Variants in PRPF40B observed in about 807,000 individuals in gnomAD.
The protein encoded by PRPF40B is pre-mRNA-processing factor 40 homolog B.
Under a neutral mutation model 124.5 loss-of-function variants are expected in PRPF40B, and 56 were observed. That is an observed-to-expected ratio of 0.45 (90% confidence interval 0.36 to 0.56). The LOEUF (loss-of-function observed/expected upper bound fraction) is 0.56, where lower values mean the gene tolerates loss of function less well. Ranked by LOEUF, PRPF40B falls within the 20% of genes least tolerant of loss-of-function variation. The probability of loss-of-function intolerance (pLI) is 0.00; values close to 1 mark genes in which losing one functional copy is unlikely to be tolerated. For missense variants in PRPF40B, 1,053 were observed against 1,169.5 expected (o/e 0.90, Z 1.45); for synonymous variants, 443 against 426.4 (o/e 1.04, Z -0.48).
At chr12:49,639,356 T>G (rs1382356018) in intron 18 of PRPF40B, 1 of 152,190 alleles carries the variant, frequency 6.6e-6, no homozygotes, top group Non-Finnish European at 1.5e-5. Flanking sequence ...GGTACAAAAG[T>G]CCAAGAAGCA....
chr12:49,639,526 C>G (rs1323796166), intron 18 of PRPF40B: 3 of 152,210 alleles, frequency 2.0e-5, no homozygotes, highest in African/African-American at 7.2e-5. Context: ...CTGAGACACT[C>G]TGGGTTTCTA....
At chr12:49,632,332 C>G (rs367671687) in intron 4 of PRPF40B, 1 of 567,490 alleles carries the variant, frequency 1.8e-6, no homozygotes, top group Non-Finnish European at 3.1e-6. Flanking sequence ...AATTTGGCAT[C>G]CACTGTGAAG....
intron 15 of PRPF40B, 126 bp downstream of exon 15, chr12:49,636,119 A>G: frequency 8.5e-7 from 1 of 1,182,722 alleles, no homozygotes; most frequent in Non-Finnish European, 1.2e-6. Flanking sequence ...AGTACTCAAC[A>G]CTCACCCAGT....
At position 49,633,009 on chromosome 12, in the gene PRPF40B, C is replaced by T; in HGVS notation, c.349-5C>T. 7.5e-7 allele frequency: 1 copy of T among 1,326,938 alleles called. No individual in the cohort carries two copies. 82.2% of individuals were successfully genotyped at this position (1,326,938 alleles called of 1,614,324 possible). On this transcript the variant is annotated splice_region_variant and splice_polypyrimidine_tract_variant and intron_variant, in intron 6 of 25. Coordinates refer to ENST00000548825, the MANE Select transcript of PRPF40B (RefSeq NM_001031698.3). ...CCACCATTCTGTGCCCCCCCCCCCA[C>T]CCAGAGGGCCCTATGGAGTGAGCAT...
intron 22 of PRPF40B, 89 bp from the exon 23 acceptor site, chr12:49,643,134 T>A (rs1337286004): frequency 1.9e-5 from 30 of 1,588,088 alleles, no homozygotes; most frequent in Non-Finnish European, 2.6e-5. Flanking sequence ...CCTTTGGCCC[T>A]GGGTCCTCCT....
rs775472373 is a variant in PRPF40B, at chr12:49,637,764, T to C, written c.1707T>C (p.Tyr569=). 124 of 1,610,696 alleles carry C rather than the reference T, an allele frequency of 7.7e-5. No homozygotes were observed. The highest frequency in any genetic ancestry group is 9.5e-5 in the Non-Finnish European group (112 of 1,177,694). Residue 569 remains tyrosine, a synonymous_variant, in exon 18 of 26, where the codon TAT becomes TAC. Coordinates refer to ENST00000548825, the MANE Select transcript of PRPF40B (RefSeq NM_001031698.3). Reference sequence around the variant, plus strand: ...CCCCTCTGGACTTATTCAAGTTCTATGTGGAGGAGTTGAAGGCACGATTCC... The same window carrying C: ...CCCCTCTGGACTTATTCAAGTTCTACGTGGAGGAGTTGAAGGCACGATTCC... ...GSTPLDLFKF[Y]VEELKARFHD...
intron 1 of PRPF40B, chr12:49,623,926 G>A: frequency 8.8e-7 from 1 of 1,141,684 alleles, no homozygotes; most frequent in Non-Finnish European, 1.1e-6. Flanking sequence ...AGGGGACTGA[G>A]GGGACCAGGG....
At chr12:49,626,352 C>T (rs1940714279) in intron 1 of PRPF40B, among the ~76,000 whole-genome samples, 2 of 152,104 alleles carry the variant, frequency 1.3e-5, no homozygotes, top group African/African-American at 4.8e-5. Flanking sequence ...GGGAAATCCC[C>T]ACATGAGTGG....
chr12:49,633,336 G>A (rs1360171202), intron 7 of PRPF40B, 91 bp from the exon 8 acceptor site: 4 of 1,541,554 alleles, frequency 2.6e-6, no homozygotes, highest in Non-Finnish European at 3.5e-6. Flanking sequence ...AAAGGTTCCT[G>A]TGTCCTCTAC....
In PRPF40B at chr12:49,642,162, C is replaced by T. The variant is rs1942758244; in HGVS notation, c.1885-73C>T. The T allele has an allele frequency of 1.2e-6, 2 of 1,612,002 alleles. No individual in the cohort carries two copies. Among genetic ancestry groups the T allele is most frequent in the Admixed American group, 3.3e-5 (2 of 59,976 alleles). ...AGCCCAGACCCTAACTTTCCACCTC[C>T]TAAGGTATGCCTGAGTGGGACCTGG... On this transcript the variant is annotated intron_variant, in intron 19 of 25. Coordinates refer to ENST00000548825, the MANE Select transcript of PRPF40B (RefSeq NM_001031698.3). This position sits in a 1 kb window ranked among gnomAD's most constrained non-coding sequence, Gnocchi z 5.8.
chr12:49,626,075 T>G (rs1293207734), intron 1 of PRPF40B, among the ~76,000 whole-genome samples: 1 of 152,190 alleles, frequency 6.6e-6, no homozygotes, highest in Non-Finnish European at 1.5e-5. Context: ...CATGCCAACA[T>G]TTCAATCCAA....
At chr12:49,633,158 G>C in intron 7 of PRPF40B, 34 bp downstream of exon 7, 1 of 1,545,874 alleles carries the variant, frequency 6.5e-7, no homozygotes, top group Non-Finnish European at 8.8e-7. Context: ...CTTCCTTTCA[G>C]CTGCCCTGAC....
intron 6 of PRPF40B, 24 bp from the exon 7 acceptor site, chr12:49,632,990 T>C (rs1941376636): frequency 6.6e-7 from 1 of 1,519,760 alleles, no homozygotes; most frequent in Admixed American, 1.7e-5. Context: ...TTGACCACCA[T>C]TCTGTGCCCC....
At position 49,644,218 on chromosome 12, in the gene PRPF40B, G is replaced by T. The variant is rs763969459; in HGVS notation, c.*26G>T. ...CCCAATGAGCTGTTCTCTGCCTCGG[G>T]TCTGTGTGAGGCCATGGCTCCTGGG... On this transcript the variant is annotated 3_prime_UTR_variant, in exon 26 of 26. Transcript: ENST00000548825. The T allele has an allele frequency of 2.5e-6, 4 of 1,612,390 alleles. No individual in the cohort carries two copies. Among genetic ancestry groups the T allele is most frequent in the Non-Finnish European group, 3.4e-6 (4 of 1,178,730 alleles).
In PRPF40B at chr12:49,643,278, G is replaced by T. The variant is rs759534743; in HGVS notation, c.2261G>T (p.Arg754Leu). Residue 754 changes from arginine to leucine, a missense_variant, in exon 23 of 26, where the codon CGG (arginine) becomes CTG (leucine). Arg to Leu is a moderately radical substitution (Grantham distance 102). Transcript: ENST00000548825. Reference sequence around the variant, plus strand: ...CCACCATCTCTCCGGCCCCCCAAGCGGAGGAGGCGGAACCCCTCAGAGTCA... The same window carrying T: ...CCACCATCTCTCCGGCCCCCCAAGCTGAGGAGGCGGAACCCCTCAGAGTCA... ...LPPPSLRPPKRRRRNPSESGS... is the reference protein window; with the variant it reads ...LPPPSLRPPKLRRRNPSESGS... 6.2e-7 allele frequency: 1 copy of T among 1,613,950 alleles called. No individual in the cohort carries two copies. The highest frequency in any genetic ancestry group is 1.7e-5 in the Admixed American group (1 of 59,962).
Position 49,631,423 on chromosome 12 carries a change from C to A in PRPF40B, c.107C>A (p.Pro36Gln), listed in dbSNP as rs777560549. The A allele has an allele frequency of 4.8e-6, 7 of 1,468,000 alleles. No individual in the cohort carries two copies. Among genetic ancestry groups the A allele is most frequent in the South Asian group, 1.5e-5 (1 of 65,914 alleles). The allele number at this position is 1,468,000 out of a possible 1,614,324, so 90.9% of individuals were successfully genotyped here. The change falls in exon 3 of 26, where the codon CCA (proline) becomes CAA (glutamine). Residue 36 changes from proline (P) to glutamine (Q), a missense_variant. By Grantham distance (76) the Pro-to-Gln change is moderately conservative. Transcript: ENST00000548825. This position sits in a 1 kb window ranked among gnomAD's most constrained non-coding sequence, Gnocchi z 4.3. ...CAGATGCCCCCTCCAGGGATCCCCC[C>A]ACCCTTTCCTCCGATGGGGCTACCC... ...PPFMPPPGIPPPFPPMGLPPM... is the reference protein window; with the variant it reads ...PPFMPPPGIPQPFPPMGLPPM...
chr12:49,630,260 C>G, intron 1 of PRPF40B, among the ~76,000 whole-genome samples: 1 of 152,160 alleles, frequency 6.6e-6, no homozygotes. Flanking sequence ...TGTAGTGAAG[C>G]CTCCTTCATC....
rs369667514 is a variant in PRPF40B, at chr12:49,633,566, G to A, written c.580+19G>A. 8.1e-6 allele frequency: 13 copies of A among 1,614,118 alleles called. No individual in the cohort carries two copies. In the African/African-American group the frequency reaches 1.7e-4, roughly 22 times the overall value. On this transcript the variant is annotated intron_variant, in intron 8 of 25. Transcript: ENST00000548825. Reference sequence around the variant, plus strand: ...CTAGAGGGTGAGATGTCCTACGGGTGGGCCAGGTCAGGAGCTCTGGGGGCT... The same window carrying A: ...CTAGAGGGTGAGATGTCCTACGGGTAGGCCAGGTCAGGAGCTCTGGGGGCT...
chr12:49,623,249 C>T (rs907783585), upstream of PRPF40B, among the ~76,000 whole-genome samples: 2 of 151,850 alleles, frequency 1.3e-5, no homozygotes, highest in Non-Finnish European at 2.9e-5. Context: ...CCTGGAGCGC[C>T]GGCGACTGCG....
Sources: allele counts gnomAD v4.1 joint callset (sites outside exome capture counted in the v4.1 genomes callset), GRCh38; gene constraint gnomAD v4.1.1; non-coding constraint Gnocchi (gnomAD v3.1); transcripts MANE v1.5; gene names NCBI Gene and HGNC (gene_info 2026-07-23, HGNC 2026-07-21).